BNC2: variants seen among roughly 807,000 people sequenced by gnomAD.
The protein encoded by BNC2 is basonuclin zinc finger protein 2.
BNC2 carries 20 observed loss-of-function variants against 76.3 expected under a neutral mutation model. The observed-to-expected ratio is 0.26, with a 90% CI of 0.18 to 0.38. The LOEUF is 0.38. Ranked by LOEUF, BNC2 falls within the 10% of genes least tolerant of loss-of-function variation. The pLI, the probability that BNC2 is intolerant of heterozygous loss-of-function variation, is 1.00. For missense variants in BNC2, 1,382 were observed against 1,399.8 expected (o/e 0.99, Z 0.20); for synonymous variants, 582 against 514.8 (o/e 1.13, Z -1.77).
rs1563939973 is a variant in BNC2, at chr9:16,780,250, A to AAAAAAAC, written c.4-41772_4-41766dup. The stretch of plus-strand genomic sequence containing the variant: ...GACTTCGTTTCAAAAAAAAAAAAAA[A>AAAAAAAC]AAAAAACAAAAAAAAACTACTGAAA... On this transcript the variant is annotated intron_variant, in intron 1 of 6. Transcript: ENST00000380672. Among the ~76,000 whole-genome samples, 97 of 124,458 alleles carry AAAAAAAC rather than the reference A, an allele frequency of 7.8e-4. 1 individual carries two copies. Among genetic ancestry groups the AAAAAAAC allele is most frequent in the East Asian group, 5.3e-3 (20 of 3,766 alleles). 81.6% of individuals were successfully genotyped at this position (124,458 alleles called of 152,430 possible). A position where few individuals can be genotyped will look rare whatever the true frequency, so the allele number is the denominator to read the frequency against.
At chr9:16,826,281 T>C (rs1166399744) in intron 1 of BNC2, among the ~76,000 whole-genome samples, 1 of 143,552 alleles carries the variant, frequency 7.0e-6, no homozygotes, top group East Asian at 2.1e-4. Context: ...GGATAGGACC[T>C]GCCTTTTAGA....
At chr9:16,634,136 A>G (rs145578774) in intron 3 of BNC2, among the ~76,000 whole-genome samples, 2 of 152,370 alleles carry the variant, frequency 1.3e-5, no homozygotes, top group Non-Finnish European at 2.9e-5. Context: ...GACTATTTAT[A>G]TGAATAATAT....
chr9:16,465,439 A>AC (rs1821684370), intron 5 of BNC2, among the ~76,000 whole-genome samples: 1 of 151,154 alleles, frequency 6.6e-6, no homozygotes, highest in Admixed American at 6.6e-5. Context: ...AACTCCAAAA[A>AC]AAAAAAAAAA....
Position 16,436,028 on chromosome 9 carries a change from A to G in BNC2, c.2166T>C (p.Tyr722=). Residue 722 remains tyrosine (Y), a synonymous_variant, in exon 6 of 7, where the codon TAT becomes TAC. Coordinates refer to ENST00000380672, the MANE Select transcript of BNC2 (RefSeq NM_017637.6). ...TSEDQEPERD[Y]ENESESSEPK... is the part of the protein sequence containing the mutation. ...GCTCCGAAGACTCAGACTCGTTCTC[A>G]TAGTCCCGCTCAGGTTCTTGGTCTT... 6.2e-7 allele frequency: 1 copy of G among 1,614,112 alleles called. No homozygotes were observed. The highest frequency in any genetic ancestry group is 8.5e-7 in the Non-Finnish European group (1 of 1,180,016).
rs902998490 is a variant in BNC2, at chr9:16,412,545, C to A, written c.*6444G>T. 2 of 152,656 alleles carry A rather than the reference C, an allele frequency of 1.3e-5. No homozygotes were observed. Among genetic ancestry groups the A allele is most frequent in the Middle Eastern group, 3.4e-3 (1 of 292 alleles). The allele number at this position is 152,656 out of a possible 1,614,324, so 9.5% of individuals were successfully genotyped here. ...AAGTTTTCAAAGAAGCAAAGGATGC[C>A]GTCACAGACAGCATCTCTCTACTGA... On this transcript the variant is annotated 3_prime_UTR_variant, in exon 7 of 7. Transcript: ENST00000380672.
chr9:16,715,573 G>A (rs1823975662), intron 3 of BNC2, among the ~76,000 whole-genome samples: 1 of 152,208 alleles, frequency 6.6e-6, no homozygotes, highest in African/African-American at 2.4e-5. Flanking sequence ...AGGTTGCCAA[G>A]ATTTCAAAAT....
intron 5 of BNC2, among the ~76,000 whole-genome samples, chr9:16,518,128 A>G: frequency 6.6e-6 from 1 of 152,330 alleles, no homozygotes. Flanking sequence ...ATAATAATGA[A>G]AATTAAATTT....
At chr9:16,434,677 A>G (rs151099757) in intron 6 of BNC2, among the ~76,000 whole-genome samples, 2,022 of 152,280 alleles carry the variant, frequency 0.013, 21 homozygotes, top group Middle Eastern at 0.027. Context: ...CTTGAGGATT[A>G]ATAAAGAACC....
intron 3 of BNC2, among the ~76,000 whole-genome samples, chr9:16,669,662 T>C (rs1822415490): frequency 1.3e-5 from 2 of 152,220 alleles, no homozygotes; most frequent in Admixed American, 6.5e-5. Flanking sequence ...ATGTTATGCA[T>C]TGGCAAGGTG....
At chr9:16,533,027 A>C (rs1375305005) in intron 5 of BNC2, among the ~76,000 whole-genome samples, 1 of 152,228 alleles carries the variant, frequency 6.6e-6, no homozygotes, top group African/African-American at 2.4e-5. Flanking sequence ...TAGTTTCAAA[A>C]CTTAAGACTT....
rs1174906147 is a variant in BNC2 at position 16,410,443 on chromosome 9, T to G, written c.*8546A>C. The G allele has an allele frequency of 6.6e-6, 1 of 152,634 alleles. No individual in the cohort carries two copies. Among genetic ancestry groups the G allele is most frequent in the East Asian group, 1.9e-4 (1 of 5,200 alleles). 9.5% of individuals were successfully genotyped at this position (152,634 alleles called of 1,614,324 possible). ...CCCCTCTGACCTTCATGTACCCAGG[T>G]TTAGCTCTCCTGCATTCTTTATACT... On this transcript the variant is annotated 3_prime_UTR_variant, in exon 7 of 7. Coordinates refer to ENST00000380672, the MANE Select transcript of BNC2 (RefSeq NM_017637.6).
At position 16,552,511 on chromosome 9, in the gene BNC2, G is replaced by T. The variant is rs184393858; in HGVS notation, c.669+19C>A. The T allele has an allele frequency of 5.6e-6, 9 of 1,610,724 alleles. No homozygotes were observed. In the East Asian group the frequency reaches 2.0e-4, roughly 36 times the overall value. On this transcript the variant is annotated intron_variant, in intron 5 of 6. Transcript: ENST00000380672. ...ACAGTCGGCCCCGGACACGGGCGGC[G>T]TTCAAGTCCTCTCCCTACCTGAAGG...
intron 5 of BNC2, among the ~76,000 whole-genome samples, chr9:16,524,428 A>T (rs1817727593): frequency 1.3e-5 from 2 of 152,144 alleles, no homozygotes; most frequent in African/African-American, 4.8e-5. Flanking sequence ...CACTTCTGAC[A>T]AGTTCCCTAA....
At chr9:16,583,356 G>A (rs1194033493) in intron 3 of BNC2, among the ~76,000 whole-genome samples, 5 of 151,980 alleles carry the variant, frequency 3.3e-5, no homozygotes, top group Non-Finnish European at 7.4e-5. Context: ...TTACATATTC[G>A]ATAAGATACC....
At chr9:16,425,304 T>C (rs1326083551) in intron 6 of BNC2, among the ~76,000 whole-genome samples, 1 of 152,162 alleles carries the variant, frequency 6.6e-6, no homozygotes, top group African/African-American at 2.4e-5. Flanking sequence ...TCTGTTGTAA[T>C]AACAGGTAGG....
intron 3 of BNC2, among the ~76,000 whole-genome samples, chr9:16,658,032 A>C (rs1821981214): frequency 6.6e-6 from 1 of 152,198 alleles, no homozygotes; most frequent in East Asian, 1.9e-4. Flanking sequence ...AATAGACCGG[A>C]ATTTCGGGAC....
At chr9:16,482,456 A>AG (rs1470217907) in intron 5 of BNC2, among the ~76,000 whole-genome samples, 12 of 150,374 alleles carry the variant, frequency 8.0e-5, no homozygotes, top group Admixed American at 7.3e-4. Context: ...ACTAATAGGC[A>AG]GAAAAAAAAA....
At chr9:16,626,854 C>G (rs529649789) in intron 3 of BNC2, among the ~76,000 whole-genome samples, 2 of 152,140 alleles carry the variant, frequency 1.3e-5, no homozygotes, top group African/African-American at 4.8e-5. Flanking sequence ...TGTGACCCAG[C>G]AGTGAGCCAA....
intron 1 of BNC2, among the ~76,000 whole-genome samples, chr9:16,740,863 CT>C (rs1396466420): frequency 6.7e-6 from 1 of 150,138 alleles, no homozygotes; most frequent in Admixed American, 6.6e-5. Context: ...AAAAGAAACC[CT>C]TTTTTTCCCT....
Sources: allele counts gnomAD v4.1 joint callset (sites outside exome capture counted in the v4.1 genomes callset), GRCh38; gene constraint gnomAD v4.1.1; transcripts MANE v1.5; gene names NCBI Gene and HGNC (gene_info 2026-07-23, HGNC 2026-07-21).